The following DIPK1C variants were observed in gnomAD, a reference collection of about 807,000 sequenced individuals.
The protein encoded by DIPK1C is familial non-conventional Alzheimer's dementia.
In DIPK1C, 33 loss-of-function variants were observed where a neutral mutation model predicts 28.0. The observed-to-expected ratio is 1.18, with a 90% confidence interval of 0.89 to 1.58. DIPK1C has a LOEUF of 1.58. Among genes scored for constraint, DIPK1C ranks in the 40% most tolerant of loss-of-function variants. DIPK1C has a pLI of 0.00. For missense variants in DIPK1C, 569 were observed against 568.5 expected, an observed-to-expected ratio of 1.00 and a Z score of -0.01; for synonymous variants, 255 against 248.8, an observed-to-expected ratio of 1.02 and a Z score of -0.23.
intron 3 of DIPK1C, among the ~76,000 whole-genome samples, chr18:74,439,244 G>A (rs893459010): frequency 6.6e-6 from 1 of 151,900 alleles, no homozygotes; most frequent in African/African-American, 2.4e-5. Flanking sequence ...GTACCTTAAA[G>A]ATTTCATCTT....
upstream of DIPK1C, among the ~76,000 whole-genome samples, chr18:74,461,336 CTTCCTTCT>C (rs775487640): frequency 0.016 from 2,151 of 138,340 alleles, 30 homozygotes; most frequent in African/African-American, 0.023. Context: ...CTTTTCCTTC[CTTCCTTCT>C]TTCCTTCCTT....
At chr18:74,444,497 T>A (rs35648325) in intron 2 of DIPK1C, among the ~76,000 whole-genome samples, 8 of 152,154 alleles carry the variant, frequency 5.3e-5, no homozygotes, top group Non-Finnish European at 8.8e-5. Context: ...CTTAAGCACA[T>A]ATGAGAATCG....
At chr18:74,457,310 C>A (rs1477573967), upstream of DIPK1C, 2 of 976,656 alleles carry the variant, frequency 2.0e-6, no homozygotes, top group Non-Finnish European at 2.4e-6. Context: ...CCCCGAGTTC[C>A]GCACTCGCGT....
chr18:74,442,210 G>T, intron 2 of DIPK1C, 94 bp from the exon 3 acceptor site: 2 of 1,451,312 alleles, frequency 1.4e-6, no homozygotes. Context: ...TCGTGCGGGT[G>T]CCACTGTCCA....
Position 74,436,313 on chromosome 18 carries a change from C to T in DIPK1C, c.*188G>A. On this transcript the variant is annotated 3_prime_UTR_variant, in exon 4 of 4. Coordinates refer to ENST00000343998, the MANE Select transcript of DIPK1C (RefSeq NM_001044369.3). ...TCTCATTTTACACAAGGCGACAGGT[C>T]AGAGGCCAGGGTGGGACGAGAGCGA... 1.6e-6 allele frequency: 1 copy of T among 613,932 alleles called. No individual in the cohort carries two copies. Among genetic ancestry groups the T allele is most frequent in the Non-Finnish European group, 2.8e-6 (1 of 356,416 alleles). 38.0% of individuals were successfully genotyped at this position (613,932 alleles called of 1,614,324 possible). A position where few individuals can be genotyped will look rare whatever the true frequency, so the allele number is the denominator to read the frequency against.
intron 2 of DIPK1C, among the ~76,000 whole-genome samples, chr18:74,443,318 G>A (rs1378645078): frequency 1.3e-5 from 2 of 152,142 alleles, no homozygotes; most frequent in Non-Finnish European, 2.9e-5. Context: ...TTATAGCTTC[G>A]AGGTATTAAA....
Position 74,447,288 on chromosome 18 carries a change from A to C in DIPK1C, c.199-5T>G. On this transcript the variant is annotated splice_region_variant and splice_polypyrimidine_tract_variant and intron_variant, in intron 1 of 3. Transcript: ENST00000343998. The surrounding 1 kb of genome is among the most constrained non-coding windows in gnomAD (Gnocchi z 4.1). The stretch of plus-strand genomic sequence containing the variant: ...GCCGCCCTGGTAGTCCTGGCACTGG[A>C]AGGAAGGGAACAGTCGGTCACCATG... The C allele has an allele frequency of 6.6e-7, 1 of 1,523,276 alleles. No homozygotes were observed. The highest frequency in any genetic ancestry group is 8.8e-7 in the Non-Finnish European group (1 of 1,132,668). The allele number at this position is 1,523,276 out of a possible 1,614,324, so 94.4% of individuals were successfully genotyped here.
rs1251538885 is a variant in DIPK1C, at chr18:74,447,701, AG to A, written c.199-419del. On this transcript the variant is annotated intron_variant, in intron 1 of 3. Transcript: ENST00000343998. This position sits in a 1 kb window ranked among gnomAD's most constrained non-coding sequence, Gnocchi z 4.1. ...TTCTAAGTCCCACATCTAAGCAGCT[AG>A]GTCAGGTCTCAGCAGAGGGGACCCC... Among the ~76,000 whole-genome samples, 3 of 152,186 alleles carry A rather than the reference AG, an allele frequency of 2.0e-5. No homozygotes were observed. The East Asian group carries it at 5.8e-4, about 29-fold the overall frequency.
chr18:74,461,407 TC>T (rs1418195873), upstream of DIPK1C, among the ~76,000 whole-genome samples: 9 of 121,576 alleles, frequency 7.4e-5, no homozygotes, highest in Non-Finnish European at 1.6e-4. Context: ...TTTCTCTTTC[TC>T]TTTTTTTTTT....
intron 1 of DIPK1C, among the ~76,000 whole-genome samples, chr18:74,456,105 G>C (rs1017833559): frequency 7.2e-5 from 11 of 152,192 alleles, no homozygotes; most frequent in African/African-American, 2.7e-4. Flanking sequence ...CAAATGCTTA[G>C]ATGGTCACTA....
At chr18:74,456,771 G>A (rs1335465316) in intron 1 of DIPK1C, among the ~76,000 whole-genome samples, 2 of 152,238 alleles carry the variant, frequency 1.3e-5, no homozygotes, top group Non-Finnish European at 2.9e-5. Context: ...TTCTTCCGGA[G>A]CTCGGGCTCA....
In DIPK1C at chr18:74,451,874, C is replaced by A. The variant is rs138120721; in HGVS notation, c.199-4591G>T. ...TAAAACGCACACAGCTCTTCCTCAA[C>A]TTAAAATGGATGATACCCCAACAAC... On this transcript the variant is annotated intron_variant, in intron 1 of 3. Coordinates refer to ENST00000343998, the MANE Select transcript of DIPK1C (RefSeq NM_001044369.3). Among the ~76,000 whole-genome samples the A allele has an allele frequency of 2.0e-5, 3 of 152,302 alleles. No homozygotes were observed. In the East Asian group the frequency reaches 5.8e-4, roughly 29 times the overall value.
chr18:74,446,307 G>C (rs748376669), intron 2 of DIPK1C, among the ~76,000 whole-genome samples: 8 of 152,210 alleles, frequency 5.3e-5, no homozygotes, highest in Non-Finnish European at 1.0e-4. Flanking sequence ...TGTTACGTGA[G>C]CTCAAAGCAG....
upstream of DIPK1C, among the ~76,000 whole-genome samples, chr18:74,462,913 C>T (rs969142550): frequency 3.9e-5 from 6 of 152,212 alleles, no homozygotes; most frequent in Non-Finnish European, 8.8e-5. Context: ...ATCATTCTTT[C>T]GTTGTCCTGC....
upstream of DIPK1C, among the ~76,000 whole-genome samples, chr18:74,460,291 CATG>C (rs528289911): frequency 1.1e-4 from 17 of 152,322 alleles, no homozygotes; most frequent in East Asian, 3.3e-3. Flanking sequence ...TACAGATGTT[CATG>C]ATATCATCGA....
chr18:74,461,862 C>T (rs1490066952), upstream of DIPK1C, among the ~76,000 whole-genome samples: 1 of 152,188 alleles, frequency 6.6e-6, no homozygotes, highest in East Asian at 1.9e-4. Flanking sequence ...GCCCAGCCAT[C>T]TTCCCACCCC....
chr18:74,439,944 CTT>C (rs11350643), intron 3 of DIPK1C, among the ~76,000 whole-genome samples: 141 of 129,600 alleles, frequency 1.1e-3, no homozygotes, highest in South Asian at 5.0e-3. Context: ...GGATCGTATA[CTT>C]TTTTTTTTTT....
At chr18:74,443,651 G>T (rs977523516) in intron 2 of DIPK1C, among the ~76,000 whole-genome samples, 1 of 151,976 alleles carries the variant, frequency 6.6e-6, no homozygotes, top group African/African-American at 2.4e-5. Flanking sequence ...CTATGTAAGG[G>T]GTTTTGTCTA....
chr18:74,444,034 T>C (rs1480815258), intron 2 of DIPK1C, among the ~76,000 whole-genome samples: 1 of 150,908 alleles, frequency 6.6e-6, no homozygotes, highest in African/African-American at 2.4e-5. Flanking sequence ...GCACCTAAAA[T>C]AAGAACAGTA....
Sources: allele counts gnomAD v4.1 joint callset (sites outside exome capture counted in the v4.1 genomes callset), GRCh38; gene constraint gnomAD v4.1.1; non-coding constraint Gnocchi (gnomAD v3.1); transcripts MANE v1.5; gene names NCBI Gene and HGNC (gene_info 2026-07-23, HGNC 2026-07-21).